The following KLHL2 variants were observed in gnomAD, a reference collection of about 807,000 sequenced individuals.
KLHL2 encodes the protein kelch-like protein 2.
Under a neutral mutation model 75.8 loss-of-function variants are expected in KLHL2, and 15 were observed. The ratio of observed to expected loss-of-function variants is 0.20; its 90% CI spans 0.13 to 0.30. KLHL2 has a LOEUF of 0.30. KLHL2 is among the 10% of genes least tolerant of loss of function. The pLI is 1.00. For missense variants in KLHL2, 381 were observed against 741.0 expected, an observed-to-expected ratio of 0.51 and a Z score of 5.64; for synonymous variants, 214 against 251.9, an observed-to-expected ratio of 0.85 and a Z score of 1.42.
intron 5 of KLHL2, among the ~76,000 whole-genome samples, chr4:165,266,071 G>T (rs568304284): frequency 6.6e-6 from 1 of 152,206 alleles, no homozygotes; most frequent in African/African-American, 2.4e-5. Context: ...CTGATGACCA[G>T]TGATCATGAG....
At chr4:165,286,919 C>T (rs1377990275) in intron 5 of KLHL2, among the ~76,000 whole-genome samples, 1 of 152,112 alleles carries the variant, frequency 6.6e-6, no homozygotes, top group Admixed American at 6.5e-5. Flanking sequence ...GATCTAGTTG[C>T]TTGCTTTGTT....
At position 165,278,197 on chromosome 4, in the gene KLHL2, C is replaced by T. The variant is rs771243890; in HGVS notation, c.544+14838C>T. ...TAATCTGAGGTTCAAACCGCTCCAT[C>T]GTGACGGCGGACAAATCCTCAGGTT... On this transcript the variant is annotated intron_variant, in intron 5 of 14. Transcript: ENST00000226725. 40 of 1,255,114 alleles carry T rather than the reference C, an allele frequency of 3.2e-5. No individual in the cohort carries two copies. In the African/African-American group the frequency reaches 3.8e-4, roughly 12 times the overall value. 77.7% of individuals were successfully genotyped at this position (1,255,114 alleles called of 1,614,324 possible).
chr4:165,248,409 C>G (rs376642983), intron 4 of KLHL2, among the ~76,000 whole-genome samples: 3 of 152,044 alleles, frequency 2.0e-5, no homozygotes, highest in Non-Finnish European at 4.4e-5. Context: ...GTATACTAGA[C>G]GAAGTTGGCC....
intron 5 of KLHL2, among the ~76,000 whole-genome samples, chr4:165,272,991 T>C (rs1351946761): frequency 1.3e-5 from 2 of 152,230 alleles, no homozygotes; most frequent in African/African-American, 4.8e-5. Context: ...TTTTATACCA[T>C]GCTTCTGAAT....
intron 13 of KLHL2, among the ~76,000 whole-genome samples, chr4:165,316,917 C>CTGAG (rs1746628889): frequency 6.6e-6 from 1 of 152,006 alleles, no homozygotes; most frequent in Admixed American, 6.6e-5. Flanking sequence ...AAGAAAGTGT[C>CTGAG]TGAGTATATA....
At chr4:165,292,492 C>G (rs1276864018) in intron 5 of KLHL2, among the ~76,000 whole-genome samples, 1 of 152,042 alleles carries the variant, frequency 6.6e-6, no homozygotes, top group Non-Finnish European at 1.5e-5. Context: ...GCCACCATGC[C>G]TGGCTACTTT....
intron 1 of KLHL2, chr4:165,209,891 A>G: frequency 1.5e-6 from 1 of 647,238 alleles, no homozygotes; most frequent in African/African-American, 1.8e-5. Context: ...GATCAGAAAT[A>G]GTTTTTTTCC....
chr4:165,265,009 C>T (rs1742133712), intron 5 of KLHL2, among the ~76,000 whole-genome samples: 1 of 151,586 alleles, frequency 6.6e-6, no homozygotes, highest in African/African-American at 2.4e-5. Flanking sequence ...TATAAGCGTT[C>T]CCGTTTCACC....
chr4:165,237,638 A>G (rs1345586703), intron 3 of KLHL2, among the ~76,000 whole-genome samples: 1 of 152,204 alleles, frequency 6.6e-6, no homozygotes, highest in South Asian at 2.1e-4. Context: ...CTGACAGTGC[A>G]TTGTATCAGA....
chr4:165,301,270 C>G (rs1257510963), intron 8 of KLHL2, among the ~76,000 whole-genome samples: 1 of 152,012 alleles, frequency 6.6e-6, no homozygotes, highest in East Asian at 1.9e-4. Flanking sequence ...TTTTATTGGC[C>G]CCTAGAAGTT....
At chr4:165,232,826 A>G (rs1466147691) in intron 3 of KLHL2, among the ~76,000 whole-genome samples, 2 of 150,970 alleles carry the variant, frequency 1.3e-5, no homozygotes, top group African/African-American at 4.9e-5. Flanking sequence ...AGTATTTGCC[A>G]GAGTATGAGT....
intron 4 of KLHL2, among the ~76,000 whole-genome samples, chr4:165,243,112 T>C (rs1739954753): frequency 1.3e-5 from 2 of 152,076 alleles, no homozygotes; most frequent in African/African-American, 4.8e-5. Context: ...ACTGAAAATT[T>C]TTTTCACGAT....
At chr4:165,252,676 C>T (rs1740835556) in intron 4 of KLHL2, 1 of 151,974 alleles carries the variant, frequency 6.6e-6, no homozygotes, top group African/African-American at 2.4e-5. Context: ...TAGAATATAG[C>T]TATATCACTG....
chr4:165,277,262 A>G (rs1418076073), intron 5 of KLHL2, among the ~76,000 whole-genome samples: 1 of 152,190 alleles, frequency 6.6e-6, no homozygotes, highest in Admixed American at 6.5e-5. Flanking sequence ...TAAAAAATAT[A>G]AAAAGGAAAG....
chr4:165,278,080 A>C, intron 5 of KLHL2: 2 of 1,549,520 alleles, frequency 1.3e-6, no homozygotes, highest in South Asian at 1.1e-5. Context: ...CACTAGGGTC[A>C]CCACCTTCTG....
intron 5 of KLHL2, among the ~76,000 whole-genome samples, chr4:165,289,125 T>TG (rs1417856095): frequency 2.0e-5 from 3 of 152,134 alleles, no homozygotes; most frequent in African/African-American, 4.8e-5. Context: ...CCTTAGGAAG[T>TG]GTGTTACAAG....
chr4:165,271,788 G>A (rs1008940928), intron 5 of KLHL2, among the ~76,000 whole-genome samples: 3 of 152,294 alleles, frequency 2.0e-5, no homozygotes, highest in African/African-American at 4.8e-5. Flanking sequence ...AGACTCAATA[G>A]GAATAGTTCC....
At chr4:165,240,678 A>G (rs962135156) in intron 4 of KLHL2, among the ~76,000 whole-genome samples, 6 of 152,088 alleles carry the variant, frequency 3.9e-5, no homozygotes, top group Non-Finnish European at 7.4e-5. Context: ...ACAAGAGTTT[A>G]TCTTGGTTTC....
intron 1 of KLHL2, chr4:165,210,311 T>C (rs1737121157): frequency 1.1e-6 from 1 of 929,600 alleles, no homozygotes; most frequent in Non-Finnish European, 1.7e-6. Flanking sequence ...AGATCCCACC[T>C]TGTTCTCCAC....
Sources: allele counts gnomAD v4.1 joint callset (sites outside exome capture counted in the v4.1 genomes callset), GRCh38; gene constraint gnomAD v4.1.1; transcripts MANE v1.5; gene names NCBI Gene and HGNC (gene_info 2026-07-23, HGNC 2026-07-21).